The following UBAC2 variants were observed in gnomAD, a reference collection of about 807,000 sequenced individuals.
The protein encoded by UBAC2 is ubiquitin-associated domain-containing protein 2.
Under a neutral mutation model 44.0 loss-of-function variants are expected in UBAC2, and 26 were observed. The observed-to-expected ratio is 0.59, with a 90% CI of 0.43 to 0.82. The LOEUF (loss-of-function observed/expected upper bound fraction) is 0.82. Ranked by LOEUF, UBAC2 falls within the 40% of genes least tolerant of loss-of-function variation. The probability of loss-of-function intolerance (pLI) is 0.00; values close to 1 mark genes in which losing one functional copy is unlikely to be tolerated. For synonymous variants in UBAC2, 155 were observed against 154.3 expected (o/e 1.00, Z -0.04); for missense variants, 329 against 419.4 (o/e 0.78, Z 1.88).
At chr13:99,282,218 T>C (rs974470303) in intron 4 of UBAC2, among the ~76,000 whole-genome samples, 1 of 121,470 alleles carries the variant, frequency 8.2e-6, no homozygotes, top group Admixed American at 8.2e-5. Context: ...TAATGCCAAA[T>C]GACACTTGGG....
intron 4 of UBAC2, among the ~76,000 whole-genome samples, chr13:99,260,249 C>T (rs1362229714): frequency 6.6e-6 from 1 of 152,218 alleles, no homozygotes; most frequent in Non-Finnish European, 1.5e-5. Flanking sequence ...GTACCTATCC[C>T]TGTAGTGGCA....
At chr13:99,266,363 C>A (rs1434612088) in intron 4 of UBAC2, among the ~76,000 whole-genome samples, 2 of 148,142 alleles carry the variant, frequency 1.4e-5, no homozygotes, top group Non-Finnish European at 3.0e-5. Flanking sequence ...AGCTGATGAT[C>A]AAAAAAAAAA....
chr13:99,332,109 C>T (rs149595963), intron 6 of UBAC2, among the ~76,000 whole-genome samples: 72 of 151,854 alleles, frequency 4.7e-4, no homozygotes, highest in African/African-American at 1.6e-3. Flanking sequence ...AGTAGATGGT[C>T]GGTTTCTTGA....
chr13:99,317,420 C>A (rs2044507832), intron 5 of UBAC2, among the ~76,000 whole-genome samples: 1 of 152,154 alleles, frequency 6.6e-6, no homozygotes, highest in South Asian at 2.1e-4. Context: ...GGAAGAATTT[C>A]ATGAGATCTA....
intron 4 of UBAC2, among the ~76,000 whole-genome samples, chr13:99,253,637 C>T (rs1846889077): frequency 6.6e-6 from 1 of 152,114 alleles, no homozygotes; most frequent in South Asian, 2.1e-4. Flanking sequence ...CCTCAGCTTC[C>T]CGAGTAGCTG....
intron 4 of UBAC2, among the ~76,000 whole-genome samples, chr13:99,252,466 A>C (rs897159060): frequency 2.0e-5 from 3 of 152,168 alleles, no homozygotes; most frequent in Non-Finnish European, 4.4e-5. Context: ...TTCTTTTTCT[A>C]GTGCTTTGCT....
chr13:99,335,473 C>G (rs1020419621), intron 6 of UBAC2, among the ~76,000 whole-genome samples: 1 of 152,024 alleles, frequency 6.6e-6, no homozygotes, highest in Admixed American at 6.6e-5. Context: ...ACCCTGTCCC[C>G]CATCACCCCT....
intron 4 of UBAC2, among the ~76,000 whole-genome samples, chr13:99,284,906 T>C (rs1284485962): frequency 6.6e-6 from 1 of 152,152 alleles, no homozygotes; most frequent in Non-Finnish European, 1.5e-5. Flanking sequence ...GGAATAACAT[T>C]TTATAACTTT....
intron 4 of UBAC2, among the ~76,000 whole-genome samples, chr13:99,245,483 A>C (rs1177342221): frequency 1.3e-5 from 2 of 152,194 alleles, no homozygotes; most frequent in Non-Finnish European, 2.9e-5. Flanking sequence ...AAAAAAACAA[A>C]AACCATGTAT....
intron 6 of UBAC2, among the ~76,000 whole-genome samples, chr13:99,333,855 C>G (rs996522180): frequency 1.3e-5 from 2 of 152,080 alleles, no homozygotes; most frequent in African/African-American, 4.8e-5. Context: ...GGCCTCCCCC[C>G]CATAAATTAA....
intron 8 of UBAC2, among the ~76,000 whole-genome samples, chr13:99,369,456 C>T (rs1211872070): frequency 2.0e-5 from 3 of 152,182 alleles, no homozygotes; most frequent in African/African-American, 7.2e-5. Context: ...TCAATAATTA[C>T]ATGAGATAGT....
chr13:99,244,248 T>G (rs541918711), intron 3 of UBAC2, among the ~76,000 whole-genome samples: 17 of 152,346 alleles, frequency 1.1e-4, no homozygotes, highest in African/African-American at 4.1e-4. Flanking sequence ...GGTTTGTGTT[T>G]TACTTGTTAA....
At chr13:99,303,691 G>A (rs1463069889) in intron 4 of UBAC2, among the ~76,000 whole-genome samples, 1 of 152,140 alleles carries the variant, frequency 6.6e-6, no homozygotes, top group Admixed American at 6.5e-5. Context: ...TCTGAGTCCT[G>A]AATGTTTCTG....
At chr13:99,266,184 A>G (rs906280249) in intron 4 of UBAC2, among the ~76,000 whole-genome samples, 5 of 151,680 alleles carry the variant, frequency 3.3e-5, no homozygotes, top group Admixed American at 2.6e-4. Flanking sequence ...TTTTAATGTT[A>G]CTTTATGAAT....
At chr13:99,247,168 T>G (rs893983872) in intron 4 of UBAC2, among the ~76,000 whole-genome samples, 1 of 151,452 alleles carries the variant, frequency 6.6e-6, no homozygotes, top group Non-Finnish European at 1.5e-5. Flanking sequence ...GTAGCAAAGC[T>G]TCAAAAACTA....
chr13:99,380,068 C>T (rs150476753), intron 8 of UBAC2, among the ~76,000 whole-genome samples: 51 of 152,214 alleles, frequency 3.4e-4, no homozygotes, highest in Non-Finnish European at 6.0e-4. Flanking sequence ...GTCTCTTTTC[C>T]CTTGGAGACA....
chr13:99,248,142 A>G (rs2142749349), intron 4 of UBAC2, among the ~76,000 whole-genome samples: 1 of 152,294 alleles, frequency 6.6e-6, no homozygotes, highest in Middle Eastern at 3.4e-3. Flanking sequence ...ACTACAGTGA[A>G]CGTGTATTGT....
Position 99,238,494 on chromosome 13 carries a change from C to G in UBAC2, c.99C>G (p.Leu33=). 1.2e-6 allele frequency: 2 copies of G among 1,614,012 alleles called. No homozygotes were observed. The highest frequency in any genetic ancestry group is 3.3e-5 in the Admixed American group (2 of 60,020). Residue 33 remains leucine (L), a synonymous_variant, in exon 2 of 9, where the codon CTC becomes CTG. Transcript: ENST00000403766. ...CCCTCTCCCTCCTGCTCGCCCTCCT[C>G]CTGCCTCACTGCCAGAAGCTCTTTG... The part of the protein sequence containing the change: ...PSALSLLLAL[L]LPHCQKLFVY...
At chr13:99,280,931 A>G (rs1186689535) in intron 4 of UBAC2, among the ~76,000 whole-genome samples, 1 of 151,836 alleles carries the variant, frequency 6.6e-6, no homozygotes, top group African/African-American at 2.4e-5. Flanking sequence ...CACGCCTGTA[A>G]TCCCATCACT....
Sources: gnomAD v4.1 joint callset for allele counts (sites outside exome capture counted in the v4.1 genomes callset) on GRCh38, gnomAD v4.1.1 for gene constraint, MANE v1.5 for transcripts, NCBI Gene and HGNC (gene_info 2026-07-23, HGNC 2026-07-21) for gene names.